Variants in METTL24 observed in about 807,000 individuals in gnomAD.
The protein encoded by METTL24 is probable methyltransferase-like protein 24.
In METTL24, 29 loss-of-function variants were observed where a neutral mutation model predicts 32.7. The observed-to-expected ratio is 0.89, with a 90% CI of 0.66 to 1.21. The LOEUF (loss-of-function observed/expected upper bound fraction) is 1.21. Ranked by LOEUF, METTL24 falls within the 50% of genes most tolerant of loss-of-function variation. The pLI is 0.00. For synonymous variants in METTL24, 163 were observed against 179.5 expected (o/e 0.91, Z 0.73); for missense variants, 439 against 468.1 (o/e 0.94, Z 0.57).
chr6:110,262,703 C>A (rs566181227), intron 4 of METTL24, among the ~76,000 whole-genome samples: 8 of 152,218 alleles, frequency 5.3e-5, no homozygotes, highest in Admixed American at 5.2e-4. Context: ...TGATGAACAT[C>A]AATGCAAAAA....
chr6:110,315,959 T>C (rs1449860885), intron 2 of METTL24, among the ~76,000 whole-genome samples: 1 of 152,160 alleles, frequency 6.6e-6, no homozygotes, highest in African/African-American at 2.4e-5. Context: ...GGCATAGATC[T>C]CAGAAGCATA....
At chr6:110,253,864 C>G in intron 4 of METTL24, 4 of 1,412,758 alleles carry the variant, frequency 2.8e-6, no homozygotes, top group Non-Finnish European at 3.7e-6. Flanking sequence ...AAATTTTCCT[C>G]TAAAATTTTC....
rs1718088150 is a variant in METTL24, at chr6:110,329,102, T to C, written c.319-6230A>G. Among the ~76,000 whole-genome samples the C allele has an allele frequency of 2.6e-5, 4 of 152,346 alleles. No homozygotes were observed. In the South Asian group the frequency reaches 8.3e-4, roughly 32 times the overall value. On this transcript the variant is annotated intron_variant, in intron 1 of 4. Coordinates refer to ENST00000338882, the MANE Select transcript of METTL24 (RefSeq NM_001123364.3). ...ATGACTAATGTAAATGATCAGTTTCTTTATCACAATAGATAACTGATAGAG... is the reference window on the plus strand; with the variant it reads ...ATGACTAATGTAAATGATCAGTTTCCTTATCACAATAGATAACTGATAGAG...
chr6:110,323,163 T>C (rs1010854365), intron 1 of METTL24, among the ~76,000 whole-genome samples: 2 of 152,226 alleles, frequency 1.3e-5, no homozygotes, highest in Non-Finnish European at 2.9e-5. Flanking sequence ...CAAACTCCAC[T>C]TGACCCCATT....
intron 1 of METTL24, among the ~76,000 whole-genome samples, chr6:110,338,589 G>C (rs189758719): frequency 6.6e-6 from 1 of 152,282 alleles, no homozygotes; most frequent in African/African-American, 2.4e-5. Context: ...ACCAGAGATG[G>C]CAAGTAGTTT....
intron 4 of METTL24, among the ~76,000 whole-genome samples, chr6:110,256,435 T>C (rs1416279329): frequency 1.3e-5 from 2 of 152,290 alleles, no homozygotes; most frequent in Admixed American, 6.5e-5. Flanking sequence ...TCTAGCAAAG[T>C]AGGTAGCATG....
Position 110,245,942 on chromosome 6 carries a change from C to A in METTL24, c.*4G>T. ...TTCTTGTGCTCTTGATGACATCCTG[C>A]ATCCTATTTCCATCTTGTATTCACC... On this transcript the variant is annotated 3_prime_UTR_variant, in exon 5 of 5. Coordinates refer to ENST00000338882, the MANE Select transcript of METTL24 (RefSeq NM_001123364.3). 1 of 1,602,546 alleles carries A rather than the reference C, an allele frequency of 6.2e-7. No homozygotes were observed. Among genetic ancestry groups the A allele is most frequent in the South Asian group, 1.1e-5 (1 of 89,456 alleles).
intron 1 of METTL24, among the ~76,000 whole-genome samples, chr6:110,331,252 G>A (rs1772104588): frequency 6.6e-6 from 1 of 152,128 alleles, no homozygotes; most frequent in Admixed American, 6.6e-5. Flanking sequence ...ATTGTGGGCA[G>A]GGGGGAAAGA....
intron 3 of METTL24, among the ~76,000 whole-genome samples, chr6:110,312,161 T>A (rs907953774): frequency 6.6e-6 from 1 of 152,162 alleles, no homozygotes; most frequent in Non-Finnish European, 1.5e-5. Flanking sequence ...TCTTATCTTA[T>A]CCCAGTTAGA....
In METTL24 at chr6:110,358,332, A is replaced by T. The variant is rs911206783; in HGVS notation, c.-60T>A. ...GCCGGCAGCAGGGATGTAGCCCCAC[A>T]GGCCGGAGCGGCCAACTGTGGGAAC... On this transcript the variant is annotated 5_prime_UTR_variant, in exon 1 of 5. Coordinates refer to ENST00000338882, the MANE Select transcript of METTL24 (RefSeq NM_001123364.3). The T allele has an allele frequency of 7.9e-7, 1 of 1,272,494 alleles. No individual in the cohort carries two copies. Among genetic ancestry groups the T allele is most frequent in the Non-Finnish European group, 1.0e-6 (1 of 986,158 alleles). The allele number at this position is 1,272,494 out of a possible 1,614,324, so 78.8% of individuals were successfully genotyped here.
At chr6:110,342,031 T>C (rs1007805337) in intron 1 of METTL24, among the ~76,000 whole-genome samples, 1 of 152,146 alleles carries the variant, frequency 6.6e-6, no homozygotes, top group Non-Finnish European at 1.5e-5. Context: ...AGGGCCAAGG[T>C]AGCTGAAATC....
intron 4 of METTL24, among the ~76,000 whole-genome samples, chr6:110,270,704 T>C (rs929813631): frequency 2.0e-5 from 3 of 152,170 alleles, no homozygotes; most frequent in Non-Finnish European, 4.4e-5. Context: ...CAAGTTTAAG[T>C]TACTCTAGGT....
intron 2 of METTL24, 81 bp from the exon 3 acceptor site, chr6:110,315,562 C>A: frequency 6.8e-7 from 1 of 1,479,446 alleles, no homozygotes; most frequent in Non-Finnish European, 9.3e-7. Flanking sequence ...CTTCCCCATC[C>A]TTGAAAACCG....
At chr6:110,282,546 A>G (rs1304229915) in intron 4 of METTL24, among the ~76,000 whole-genome samples, 2 of 152,136 alleles carry the variant, frequency 1.3e-5, no homozygotes, top group African/African-American at 4.8e-5. Flanking sequence ...TGCTATTCAC[A>G]CAACAAACAG....
At chr6:110,302,864 T>A (rs1771558691) in intron 3 of METTL24, among the ~76,000 whole-genome samples, 2 of 152,104 alleles carry the variant, frequency 1.3e-5, no homozygotes, top group African/African-American at 4.8e-5. Flanking sequence ...GAAAAGAGTT[T>A]CTGGCAAGAT....
chr6:110,315,189 A>T (rs896717879), intron 3 of METTL24, among the ~76,000 whole-genome samples, 153 bp downstream of exon 3: 1 of 152,182 alleles, frequency 6.6e-6, no homozygotes, highest in Non-Finnish European at 1.5e-5. Flanking sequence ...GCCTCCAGTT[A>T]CACAACAGAC....
chr6:110,302,643 A>ATG (rs1554214370), intron 3 of METTL24, among the ~76,000 whole-genome samples: 14 of 133,778 alleles, frequency 1.0e-4, no homozygotes, highest in Non-Finnish European at 2.0e-4. Flanking sequence ...ACACACACAT[A>ATG]TGTGTATATA....
At chr6:110,264,315 A>G (rs1770812482) in intron 4 of METTL24, among the ~76,000 whole-genome samples, 1 of 152,256 alleles carries the variant, frequency 6.6e-6, no homozygotes, top group Admixed American at 6.5e-5. Flanking sequence ...GGGAAAGGAT[A>G]TGAACAGACA....
At chr6:110,298,216 A>G (rs1030596874) in intron 4 of METTL24, among the ~76,000 whole-genome samples, 8 of 152,228 alleles carry the variant, frequency 5.3e-5, no homozygotes, top group African/African-American at 1.4e-4. Flanking sequence ...AAGATCAAAC[A>G]CAAGCCAACT....
Sources: allele counts gnomAD v4.1 joint callset (sites outside exome capture counted in the v4.1 genomes callset), GRCh38; gene constraint gnomAD v4.1.1; transcripts MANE v1.5; gene names NCBI Gene and HGNC (gene_info 2026-07-23, HGNC 2026-07-21).